Variants in TYW1B observed in about 807,000 individuals in gnomAD.
TYW1B encodes S-adenosyl-L-methionine-dependent tRNA 4-demethylwyosine synthase TYW1B.
TYW1B carries 73 observed loss-of-function variants against 86.9 expected under a neutral mutation model. The observed-to-expected ratio is 0.84, with a 90% CI of 0.70 to 1.02. The LOEUF is 1.02. Ranked by LOEUF, TYW1B falls within the 50% of genes least tolerant of loss-of-function variation. TYW1B has a pLI of 0.00. For synonymous variants in TYW1B, 248 were observed against 292.8 expected, an observed-to-expected ratio of 0.85 and a Z score of 1.56; for missense variants, 637 against 827.4, an observed-to-expected ratio of 0.77 and a Z score of 2.82.
At chr7:72,817,202 G>A (rs1199002154) in intron 2 of TYW1B, among the ~76,000 whole-genome samples, 6 of 152,108 alleles carry the variant, frequency 3.9e-5, no homozygotes, top group Admixed American at 2.0e-4. Flanking sequence ...TCAGGAGTTC[G>A]AGACCGGCCT....
intron 11 of TYW1B, among the ~76,000 whole-genome samples, chr7:72,629,948 T>C (rs1812442503): frequency 1.3e-5 from 2 of 152,210 alleles, no homozygotes; most frequent in South Asian, 4.1e-4. Context: ...TGATTAAACA[T>C]TCAAAAACAC....
At chr7:72,813,662 T>C (rs781908575) in intron 3 of TYW1B, among the ~76,000 whole-genome samples, 65 of 152,148 alleles carry the variant, frequency 4.3e-4, no homozygotes, top group Admixed American at 2.1e-3. Context: ...TAACTGGGCA[T>C]GACTGGAGAA....
intron 11 of TYW1B, among the ~76,000 whole-genome samples, chr7:72,631,732 AC>A (rs1812497091): frequency 6.6e-6 from 1 of 152,122 alleles, no homozygotes; most frequent in South Asian, 2.1e-4. Context: ...TAGGCCAGTT[AC>A]CAAAAAATAT....
At chr7:72,684,782 T>A (rs1813966128) in intron 11 of TYW1B, among the ~76,000 whole-genome samples, 1 of 152,144 alleles carries the variant, frequency 6.6e-6, no homozygotes, top group East Asian at 1.9e-4. Context: ...ATGGCAATGA[T>A]ACAAGGACAG....
chr7:72,729,227 G>T (rs1787061455), intron 8 of TYW1B, among the ~76,000 whole-genome samples: 1 of 152,158 alleles, frequency 6.6e-6, no homozygotes, highest in Non-Finnish European at 1.5e-5. Flanking sequence ...AACTATGAAT[G>T]TACACAAACA....
chr7:72,795,351 T>C (rs1252133038), intron 6 of TYW1B, among the ~76,000 whole-genome samples: 4 of 151,984 alleles, frequency 2.6e-5, no homozygotes, highest in Non-Finnish European at 5.9e-5. Flanking sequence ...GATTTTCTCA[T>C]CGTCTCTTTT....
intron 11 of TYW1B, among the ~76,000 whole-genome samples, chr7:72,668,129 T>C (rs1554445665): frequency 6.6e-6 from 1 of 152,242 alleles, no homozygotes; most frequent in Admixed American, 6.5e-5. Flanking sequence ...ATTAATGACC[T>C]ACATAAAATT....
intron 6 of TYW1B, among the ~76,000 whole-genome samples, chr7:72,795,380 G>A (rs1231696798): frequency 7.9e-5 from 12 of 151,172 alleles, no homozygotes; most frequent in African/African-American, 1.2e-4. Flanking sequence ...AATGGTTATC[G>A]CCTCACCATG....
chr7:72,692,205 CAAAAAAAAAAA>C (rs1168197742), intron 11 of TYW1B, among the ~76,000 whole-genome samples: 9 of 62,812 alleles, frequency 1.4e-4, no homozygotes, highest in East Asian at 4.9e-4. Flanking sequence ...GACTCCATCT[CAAAAAAAAAAA>C]AAAAAAAAAA....
chr7:72,621,627 G>A (rs1421712877), intron 12 of TYW1B, among the ~76,000 whole-genome samples: 1 of 152,218 alleles, frequency 6.6e-6, no homozygotes, highest in Non-Finnish European at 1.5e-5. Context: ...CTGTTACCAG[G>A]TAACTGGTAT....
intron 10 of TYW1B, among the ~76,000 whole-genome samples, chr7:72,704,467 G>T (rs1585916204): frequency 6.8e-6 from 1 of 147,786 alleles, no homozygotes; most frequent in African/African-American, 2.5e-5. Flanking sequence ...AGTCCATCTT[G>T]GCCAGGCATG....
At chr7:72,650,548 T>G (rs1430454558) in intron 11 of TYW1B, among the ~76,000 whole-genome samples, 1 of 152,104 alleles carries the variant, frequency 6.6e-6, no homozygotes, top group East Asian at 1.9e-4. Context: ...AAATAATATA[T>G]ATATAATGGA....
At chr7:72,651,123 G>A (rs1327123678) in intron 11 of TYW1B, among the ~76,000 whole-genome samples, 1 of 152,210 alleles carries the variant, frequency 6.6e-6, no homozygotes, top group African/African-American at 2.4e-5. Flanking sequence ...GTGAGGTAAT[G>A]TGACAAGAGA....
chr7:72,785,130 C>A (rs1193751102), intron 6 of TYW1B, among the ~76,000 whole-genome samples: 13 of 151,916 alleles, frequency 8.6e-5, no homozygotes, highest in Non-Finnish European at 1.6e-4. Flanking sequence ...TTCTTAGAAA[C>A]CACTCTCATA....
At chr7:72,650,105 G>A (rs1330900745) in intron 11 of TYW1B, among the ~76,000 whole-genome samples, 1 of 146,444 alleles carries the variant, frequency 6.8e-6, no homozygotes, top group Non-Finnish European at 1.5e-5. Context: ...TAATAAAGAC[G>A]GGGTTTCACC....
chr7:72,745,239 G>A (rs577237576), intron 7 of TYW1B, among the ~76,000 whole-genome samples: 5 of 152,194 alleles, frequency 3.3e-5, no homozygotes, highest in African/African-American at 1.2e-4. Context: ...GCCCAGGCTG[G>A]TCTTGAACTC....
At position 72,616,794 on chromosome 7, in the gene TYW1B, C is replaced by G. The variant is rs573176711; in HGVS notation, c.1663G>C (p.Ala555Pro). 6.2e-7 allele frequency: 1 copy of G among 1,614,202 alleles called. No individual in the cohort carries two copies. The highest frequency in any genetic ancestry group is 1.3e-5 in the African/African-American group (1 of 75,058). Residue 555 changes from alanine to proline, a missense_variant, in exon 13 of 14, where the codon GCC becomes CCC. Physicochemically the swap from Ala to Pro is conservative, Grantham distance 27. Coordinates refer to ENST00000620995, the MANE Select transcript of TYW1B (RefSeq NM_001145440.3). ...RESSASSLTM[A>P]HVPWHEEVVQ... ...ACTTCCTCATGCCAGGGCACATGGG[C>G]CATGGTAAGACTGCTTGCTGAACTT...
intron 11 of TYW1B, among the ~76,000 whole-genome samples, chr7:72,642,833 A>G (rs536447303): frequency 1.3e-5 from 2 of 152,280 alleles, no homozygotes; most frequent in South Asian, 4.1e-4. Context: ...CCCGGGAGAC[A>G]GAAGTTGCAG....
intron 8 of TYW1B, among the ~76,000 whole-genome samples, chr7:72,737,999 C>T (rs1256546164): frequency 6.6e-6 from 1 of 151,842 alleles, no homozygotes; most frequent in Non-Finnish European, 1.5e-5. Context: ...TGGTCTCGAT[C>T]TCCTGACCTT....
Sources: gnomAD v4.1 joint callset for allele counts (sites outside exome capture counted in the v4.1 genomes callset) on GRCh38, gnomAD v4.1.1 for gene constraint, MANE v1.5 for transcripts, NCBI Gene and HGNC (gene_info 2026-07-23, HGNC 2026-07-21) for gene names.